The following VEPH1 variants were observed in gnomAD, a reference collection of about 807,000 sequenced individuals.
The protein encoded by VEPH1 is ventricular zone-expressed PH domain-containing protein homolog 1.
Under a neutral mutation model 85.2 loss-of-function variants are expected in VEPH1, and 80 were observed. That is an observed-to-expected ratio of 0.94 (90% CI 0.78 to 1.13). VEPH1 has a LOEUF of 1.13. Among genes scored for constraint, VEPH1 ranks in the 50% most tolerant of loss-of-function variants. The probability of loss-of-function intolerance (pLI) is 0.00; values close to 1 mark genes in which losing one functional copy is unlikely to be tolerated. For synonymous variants in VEPH1, 297 were observed against 348.0 expected, an observed-to-expected ratio of 0.85 and a Z score of 1.63; for missense variants, 955 against 980.5, an observed-to-expected ratio of 0.97 and a Z score of 0.35.
intron 3 of VEPH1, among the ~76,000 whole-genome samples, chr3:157,468,237 A>T (rs1337698226): frequency 1.3e-5 from 2 of 152,338 alleles, no homozygotes; most frequent in Non-Finnish European, 1.5e-5. Context: ...AACTGTGTTA[A>T]CACAGGAGCC....
Position 157,441,971 on chromosome 3 carries a change from G to T in VEPH1, c.530-13483C>A, listed in dbSNP as rs569868399. Reference sequence around the variant, plus strand: ...TGGCAAAAAGAGAGAACCAGGTTGGGTTCTGAATTCTTGGAAATTATAGAA... The same window carrying T: ...TGGCAAAAAGAGAGAACCAGGTTGGTTTCTGAATTCTTGGAAATTATAGAA... On this transcript the variant is annotated intron_variant, in intron 4 of 13. Coordinates refer to ENST00000362010, the MANE Select transcript of VEPH1 (RefSeq NM_001167912.2). 2.6e-5 allele frequency among the ~76,000 whole-genome samples: 4 copies of T among 152,248 alleles called. No individual in the cohort carries two copies. The East Asian group carries it at 7.7e-4, about 29-fold the overall frequency.
In VEPH1 at chr3:157,479,581, A is replaced by C. The variant is rs936035449; in HGVS notation, c.139-9052T>G. On this transcript the variant is annotated intron_variant, in intron 2 of 13. Coordinates refer to ENST00000362010, the MANE Select transcript of VEPH1 (RefSeq NM_001167912.2). ...AATTTGGCATGGGAGTGGAAACTTGAAAGAAAAGAATGGAGAGTCCTAAGG... is the reference window on the plus strand; with the variant it reads ...AATTTGGCATGGGAGTGGAAACTTGCAAGAAAAGAATGGAGAGTCCTAAGG... 5.3e-5 allele frequency among the ~76,000 whole-genome samples: 8 copies of C among 152,330 alleles called. 1 individual carries two copies. In the South Asian group the frequency reaches 1.7e-3, roughly 32 times the overall value.
In VEPH1 at chr3:157,300,068, C is replaced by A. The variant is rs148604253; in HGVS notation, c.2011-13394G>T. 2.0e-4 allele frequency among the ~76,000 whole-genome samples: 31 copies of A among 152,192 alleles called. No homozygotes were observed. In the East Asian group the frequency reaches 5.6e-3, roughly 28 times the overall value. On this transcript the variant is annotated intron_variant, in intron 11 of 13. Coordinates refer to ENST00000362010, the MANE Select transcript of VEPH1 (RefSeq NM_001167912.2). ...TAGGTGGTAGAGGCAGGATTCAAAC[C>A]CAGATCCTGAGTTTCTAGTTACCAC...
At chr3:157,287,365 ACCCTGT>A (rs1421105086) in intron 11 of VEPH1, among the ~76,000 whole-genome samples, 1 of 150,640 alleles carries the variant, frequency 6.6e-6, no homozygotes, top group Non-Finnish European at 1.5e-5. Context: ...ACAGAGTGAG[ACCCTGT>A]CTCAAAAAAT....
At chr3:157,460,476 G>A in intron 3 of VEPH1, 121 bp from the exon 4 acceptor site, 2 of 1,257,192 alleles carry the variant, frequency 1.6e-6, no homozygotes, top group Non-Finnish European at 2.1e-6. Context: ...GAAAACACAG[G>A]CCTTGCCCTG....
chr3:157,381,302 G>A lies in VEPH1; in HGVS notation c.981C>T (p.Leu327=), dbSNP rs1422848386. The part of the protein sequence containing the change: ...ANMEHSFHHI[L]LLEIKSITDT... ...CGGTGATGCTTTTAATCTCCAGCAG[G>A]AGAATATGGTGAAACGAATGCTCCA... The change falls in exon 7 of 14, where the codon CTC becomes CTT. Residue 327 remains leucine (L), a synonymous_variant. Coordinates refer to ENST00000362010, the MANE Select transcript of VEPH1 (RefSeq NM_001167912.2). The A allele has an allele frequency of 6.2e-6, 10 of 1,614,088 alleles. No individual in the cohort carries two copies. In the Admixed American group the frequency reaches 1.5e-4, roughly 24 times the overall value.
At chr3:157,437,376 TCGGAGG>T in intron 4 of VEPH1, 1 of 1,058,170 alleles carries the variant, frequency 9.5e-7, no homozygotes, top group Non-Finnish European at 1.4e-6. Flanking sequence ...ATGCTGTTTT[TCGGAGG>T]TGTCCTTAAA....
At chr3:157,389,973 G>T (rs1869859) in intron 6 of VEPH1, among the ~76,000 whole-genome samples, 101,382 of 151,962 alleles carry the variant, frequency 0.67, 34,134 homozygotes, top group South Asian at 0.75. Flanking sequence ...TCTTTCATTA[G>T]CAAATTACTA....
At chr3:157,378,970 C>T (rs1237099256) in intron 7 of VEPH1, among the ~76,000 whole-genome samples, 1 of 152,216 alleles carries the variant, frequency 6.6e-6, no homozygotes, top group Admixed American at 6.5e-5. Context: ...AGACCTCTCA[C>T]TTTGTCTCTT....
At chr3:157,331,476 T>C (rs1225109554) in intron 9 of VEPH1, among the ~76,000 whole-genome samples, 1 of 152,188 alleles carries the variant, frequency 6.6e-6, no homozygotes. Context: ...TGCTTTACGA[T>C]TCAACCAAAC....
intron 6 of VEPH1, among the ~76,000 whole-genome samples, chr3:157,383,038 G>A (rs1047320221): frequency 6.6e-6 from 1 of 151,800 alleles, no homozygotes; most frequent in Non-Finnish European, 1.5e-5. Flanking sequence ...GGGTCTCACC[G>A]TGTTGCCCAG....
At chr3:157,461,712 T>C (rs1000521256) in intron 3 of VEPH1, among the ~76,000 whole-genome samples, 2 of 152,094 alleles carry the variant, frequency 1.3e-5, no homozygotes, top group African/African-American at 2.4e-5. Context: ...ATTGGGTCAA[T>C]TAGATATTTA....
intron 11 of VEPH1, among the ~76,000 whole-genome samples, chr3:157,301,722 G>C (rs1718836268): frequency 6.6e-6 from 1 of 152,056 alleles, no homozygotes; most frequent in Non-Finnish European, 1.5e-5. Flanking sequence ...CTTGATATCT[G>C]TGATGCCCTC....
At chr3:157,399,238 C>A (rs1480897258) in intron 6 of VEPH1, among the ~76,000 whole-genome samples, 1 of 152,058 alleles carries the variant, frequency 6.6e-6, no homozygotes, top group African/African-American at 2.4e-5. Context: ...GTCCAAGACC[C>A]CAAAACCAAC....
intron 1 of VEPH1, among the ~76,000 whole-genome samples, chr3:157,497,327 C>A (rs1263358180): frequency 6.6e-6 from 1 of 152,112 alleles, no homozygotes; most frequent in East Asian, 1.9e-4. Context: ...AAGACAGTCA[C>A]AGGAGAAGAC....
At chr3:157,431,836 A>C (rs1381131981) in intron 4 of VEPH1, among the ~76,000 whole-genome samples, 4 of 149,418 alleles carry the variant, frequency 2.7e-5, no homozygotes, top group Non-Finnish European at 5.9e-5. Context: ...ATAACAAATT[A>C]TATATATACA....
chr3:157,394,217 A>G (rs752043628), intron 6 of VEPH1, among the ~76,000 whole-genome samples: 1 of 152,262 alleles, frequency 6.6e-6, no homozygotes, highest in African/African-American at 2.4e-5. Flanking sequence ...CTTTGGATAA[A>G]CATTAATATG....
intron 4 of VEPH1, among the ~76,000 whole-genome samples, chr3:157,434,970 T>C (rs1733439040): frequency 6.6e-6 from 1 of 152,232 alleles, no homozygotes. Flanking sequence ...ACATTTTAGA[T>C]TATTTCCTTA....
At chr3:157,449,954 T>C (rs1734829480) in intron 4 of VEPH1, among the ~76,000 whole-genome samples, 1 of 151,194 alleles carries the variant, frequency 6.6e-6, no homozygotes, top group Non-Finnish European at 1.5e-5. Context: ...GACTAGTATG[T>C]AAGAAAAAAA....
Sources: allele counts gnomAD v4.1 joint callset (sites outside exome capture counted in the v4.1 genomes callset), GRCh38; gene constraint gnomAD v4.1.1; transcripts MANE v1.5; gene names NCBI Gene and HGNC (gene_info 2026-07-23, HGNC 2026-07-21).